Variants in CDH17 observed in about 807,000 individuals in gnomAD.
CDH17 encodes the protein cadherin-17.
Under a neutral mutation model 86.3 loss-of-function variants are expected in CDH17, and 67 were observed. That is an observed-to-expected ratio of 0.78 (90% CI 0.64 to 0.95). The LOEUF (loss-of-function observed/expected upper bound fraction) is 0.95. Among genes scored for constraint, CDH17 ranks in the 40% least tolerant of loss-of-function variants. CDH17 has a pLI of 0.00. For synonymous variants in CDH17, 367 were observed against 366.4 expected (o/e 1.00, Z -0.02); for missense variants, 993 against 1,017.6 (o/e 0.98, Z 0.33).
intron 8 of CDH17, 63 bp downstream of exon 8, chr8:94,170,791 C>G (rs1024570239): frequency 1.8e-4 from 276 of 1,545,866 alleles, no homozygotes; most frequent in Non-Finnish European, 2.3e-4. Flanking sequence ...CCATTTTGCT[C>G]TCAACTGTAG....
chr8:94,171,007 G>T (rs761529027), intron 7 of CDH17, 22 bp from the exon 8 acceptor site: 1 of 1,610,236 alleles, frequency 6.2e-7, no homozygotes, highest in East Asian at 2.2e-5. Flanking sequence ...AAAGTCAGTT[G>T]TGAGGAAAGC....
intron 1 of CDH17, among the ~76,000 whole-genome samples, chr8:94,205,720 G>T (rs1461052642): frequency 2.0e-5 from 3 of 151,850 alleles, no homozygotes; most frequent in African/African-American, 7.3e-5. Flanking sequence ...CATTGGAATT[G>T]TTTTAAAAAA....
At chr8:94,165,524 C>T (rs1813134636) in intron 10 of CDH17, among the ~76,000 whole-genome samples, 1 of 152,166 alleles carries the variant, frequency 6.6e-6, no homozygotes, top group Non-Finnish European at 1.5e-5. Flanking sequence ...CATTTAATCT[C>T]CTTTTGGCAT....
chr8:94,195,539 C>T lies in CDH17; in HGVS notation c.-20-834G>A, dbSNP rs529535314. Among the ~76,000 whole-genome samples, 42 of 152,212 alleles carry T rather than the reference C, an allele frequency of 2.8e-4. No individual in the cohort carries two copies. The South Asian group carries it at 8.7e-3, about 32-fold the overall frequency. ...AATTTCTTACTATTCCAAAAGAGATCAAACAAAAATCTGAACTCTGTCCTT... is the reference window on the plus strand; with the variant it reads ...AATTTCTTACTATTCCAAAAGAGATTAAACAAAAATCTGAACTCTGTCCTT... On this transcript the variant is annotated intron_variant, in intron 1 of 17. Transcript: ENST00000027335.
intron 12 of CDH17, among the ~76,000 whole-genome samples, chr8:94,153,524 T>A (rs1812893597): frequency 6.6e-6 from 1 of 152,154 alleles, no homozygotes; most frequent in African/African-American, 2.4e-5. Context: ...ATAAAGTCAG[T>A]ATGTCAAAGA....
intron 2 of CDH17, among the ~76,000 whole-genome samples, chr8:94,192,899 C>T (rs1029454177): frequency 6.6e-6 from 1 of 152,216 alleles, no homozygotes; most frequent in Non-Finnish European, 1.5e-5. Context: ...GATCTACTCG[C>T]AGTCTGGAGT....
chr8:94,135,990 C>T lies in CDH17; in HGVS notation c.2168-4998G>A, dbSNP rs564085072. 2.5e-4 allele frequency among the ~76,000 whole-genome samples: 38 copies of T among 152,354 alleles called. No homozygotes were observed. In the South Asian group the frequency reaches 7.2e-3, roughly 29 times the overall value. On this transcript the variant is annotated intron_variant, in intron 15 of 17. Coordinates refer to ENST00000027335, the MANE Select transcript of CDH17 (RefSeq NM_004063.4). ...AACGTTGAATATTGGCCCCCACTCTCTTCTGGCTTGTAGGGTTTCTGTAGA... is the reference window on the plus strand; with the variant it reads ...AACGTTGAATATTGGCCCCCACTCTTTTCTGGCTTGTAGGGTTTCTGTAGA...
intron 15 of CDH17, among the ~76,000 whole-genome samples, chr8:94,144,334 A>G (rs896471453): frequency 2.0e-5 from 3 of 152,346 alleles, no homozygotes; most frequent in East Asian, 1.9e-4. Context: ...ATCACTGATC[A>G]GCATAACAGA....
chr8:94,164,164 C>T (rs1267340436), intron 10 of CDH17, among the ~76,000 whole-genome samples: 1 of 152,222 alleles, frequency 6.6e-6, no homozygotes, highest in African/African-American at 2.4e-5. Context: ...TGGATTCCCA[C>T]TCTCCCATAA....
At chr8:94,197,549 T>C (rs1348222303) in intron 1 of CDH17, among the ~76,000 whole-genome samples, 1 of 152,004 alleles carries the variant, frequency 6.6e-6, no homozygotes, top group South Asian at 2.1e-4. Context: ...GTTTGTCCTC[T>C]TGGCCAGGCA....
chr8:94,168,101 T>TATATATAA (rs1813192564), intron 9 of CDH17, among the ~76,000 whole-genome samples: 7 of 1,518 alleles, frequency 4.6e-3, no homozygotes, highest in Non-Finnish European at 0.014. Flanking sequence ...CTGGGGAATA[T>TATATATAA]ATATATATAT....
At chr8:94,157,003 C>A (rs1563572875) in intron 12 of CDH17, among the ~76,000 whole-genome samples, 2 of 152,112 alleles carry the variant, frequency 1.3e-5, no homozygotes, top group East Asian at 3.9e-4. Flanking sequence ...GAGGTGGAGG[C>A]CTGGAGTCAA....
At chr8:94,206,599 A>G (rs1443670581) in intron 1 of CDH17, among the ~76,000 whole-genome samples, 3 of 151,502 alleles carry the variant, frequency 2.0e-5, no homozygotes, top group African/African-American at 7.3e-5. Context: ...TGGAACGAGA[A>G]GTAGAGTTTC....
At chr8:94,156,496 G>A (rs977288437) in intron 12 of CDH17, among the ~76,000 whole-genome samples, 5 of 152,146 alleles carry the variant, frequency 3.3e-5, no homozygotes, top group African/African-American at 1.2e-4. Context: ...CACACGTTTG[G>A]CCCCAAGAGC....
intron 3 of CDH17, among the ~76,000 whole-genome samples, chr8:94,184,989 G>A (rs1171352364): frequency 6.6e-6 from 1 of 152,140 alleles, no homozygotes; most frequent in Non-Finnish European, 1.5e-5. Context: ...CACCACTGAA[G>A]CAAAGAGCTC....
At chr8:94,158,552 T>C (rs1202791230) in intron 12 of CDH17, among the ~76,000 whole-genome samples, 2 of 152,152 alleles carry the variant, frequency 1.3e-5, no homozygotes, top group African/African-American at 4.8e-5. Context: ...GCTGCCCCCG[T>C]CACCTGCAAA....
intron 15 of CDH17, 91 bp from the exon 16 acceptor site, chr8:94,131,083 C>G (rs971397099): frequency 5.0e-5 from 36 of 727,094 alleles, no homozygotes; most frequent in Non-Finnish European, 8.3e-5. Flanking sequence ...CTAAGGTTGA[C>G]TGGAACATGG....
chr8:94,163,412 C>T (rs1427138362), intron 10 of CDH17, among the ~76,000 whole-genome samples: 6 of 152,218 alleles, frequency 3.9e-5, no homozygotes, highest in African/African-American at 9.6e-5. Flanking sequence ...CACTGAGAGG[C>T]GTGGCAAGAG....
intron 2 of CDH17, among the ~76,000 whole-genome samples, chr8:94,191,792 G>A (rs898918358): frequency 2.6e-5 from 4 of 152,164 alleles, no homozygotes; most frequent in African/African-American, 9.7e-5. Flanking sequence ...AATGTTGCCA[G>A]ACTTCTAGCC....
Sources: allele counts gnomAD v4.1 joint callset (sites outside exome capture counted in the v4.1 genomes callset), GRCh38; gene constraint gnomAD v4.1.1; transcripts MANE v1.5; gene names NCBI Gene and HGNC (gene_info 2026-07-23, HGNC 2026-07-21).